The following NDRG2 variants were observed in gnomAD, a reference collection of about 807,000 sequenced individuals.
NDRG2 encodes the protein protein NDRG2.
A neutral mutation model predicts 58.2 loss-of-function variants in NDRG2; 34 were observed. The observed-to-expected ratio is 0.58, with a 90% CI of 0.44 to 0.78. The LOEUF is 0.78. NDRG2 is among the 30% of genes least tolerant of loss of function. The probability of loss-of-function intolerance (pLI) is 0.00; values close to 1 mark genes in which losing one functional copy is unlikely to be tolerated. For missense variants in NDRG2, 434 were observed against 471.2 expected (o/e 0.92, Z 0.73); for synonymous variants, 187 against 175.9 (o/e 1.06, Z -0.50).
intron 1 of NDRG2, among the ~76,000 whole-genome samples, chr14:21,047,391 T>A (rs937688068): frequency 6.6e-6 from 1 of 152,192 alleles, no homozygotes; most frequent in Non-Finnish European, 1.5e-5. Flanking sequence ...TTATTAGTGG[T>A]GCCCTACCTG....
At chr14:21,023,823 C>A (rs187788347) in intron 1 of NDRG2, 239 of 358,114 alleles carry the variant, frequency 6.7e-4, no homozygotes, top group Non-Finnish European at 8.5e-4. Flanking sequence ...CTAAAAATGA[C>A]CAAAGCAACA....
chr14:21,017,866 C>A, intron 15 of NDRG2, 104 bp from the exon 16 acceptor site: 1 of 1,601,454 alleles, frequency 6.2e-7, no homozygotes, highest in Non-Finnish European at 8.5e-7. Flanking sequence ...ATAACTAAGC[C>A]AGGGGATCAA....
intron 1 of NDRG2, chr14:21,034,094 AT>A (rs1566490556): frequency 1.2e-6 from 2 of 1,614,176 alleles, no homozygotes; most frequent in Admixed American, 1.7e-5. Context: ...GGCAATCTGA[AT>A]TTTGCATCTT....
chr14:21,019,397 C>A (rs1878806108), intron 10 of NDRG2, among the ~76,000 whole-genome samples: 2 of 152,182 alleles, frequency 1.3e-5, no homozygotes, highest in South Asian at 4.1e-4. Context: ...ACACAGGACA[C>A]AAGATCATCT....
At chr14:21,028,313 A>G (rs1883833638), upstream of NDRG2, 1 of 152,230 alleles carries the variant, frequency 6.6e-6, no homozygotes, top group Admixed American at 6.5e-5. Flanking sequence ...GTGCGCTGAC[A>G]CAATCCTAGT....
At position 21,021,931 on chromosome 14, in the gene NDRG2, C is replaced by A. The variant is rs77868865; in HGVS notation, c.345-52G>T. On this transcript the variant is annotated intron_variant, in intron 5 of 15. Transcript: ENST00000556147. ...GATACCAACCTGCCCTCACACCCCC[C>A]ACCTCAGGATGTCCTACTCATTCTC... The A allele has an allele frequency of 3.6e-3, 5,828 of 1,611,460 alleles. 182 individuals are homozygous for A. In the African/African-American group the frequency reaches 0.066, roughly 18 times the overall value.
chr14:21,027,817 C>T (rs1883798930), upstream of NDRG2, among the ~76,000 whole-genome samples: 1 of 152,178 alleles, frequency 6.6e-6, no homozygotes, highest in South Asian at 2.1e-4. Flanking sequence ...AGGAAAAGGG[C>T]TTTGTTCCTA....
At chr14:21,032,826 A>G (rs1172958995) in intron 1 of NDRG2, 4 of 411,432 alleles carry the variant, frequency 9.7e-6, no homozygotes, top group Non-Finnish European at 1.9e-5. Context: ...GATGTGTGTT[A>G]TTAACTTTTT....
At chr14:21,067,181 C>A (rs1194566236) in intron 1 of NDRG2, among the ~76,000 whole-genome samples, 3 of 152,172 alleles carry the variant, frequency 2.0e-5, no homozygotes, top group Non-Finnish European at 2.9e-5. Context: ...CTTCCACCTT[C>A]CCCCGTATTA....
chr14:21,051,464 G>A (rs893669940), intron 1 of NDRG2, among the ~76,000 whole-genome samples: 4 of 152,182 alleles, frequency 2.6e-5, no homozygotes, highest in Non-Finnish European at 4.4e-5. Flanking sequence ...GCCTATGAGG[G>A]GAACTGGCGT....
chr14:21,061,481 A>ATGACACAGCACCCATAAAAT (rs1450541525), intron 1 of NDRG2, among the ~76,000 whole-genome samples: 2 of 152,122 alleles, frequency 1.3e-5, no homozygotes. Context: ...TCTGAGGGTA[A>ATGACACAGCACCCATAAAAT]TGACACAGCA....
intron 1 of NDRG2, among the ~76,000 whole-genome samples, chr14:21,037,212 T>C (rs1315265601): frequency 6.6e-6 from 1 of 152,260 alleles, no homozygotes; most frequent in Non-Finnish European, 1.5e-5. Context: ...AATGATTTAA[T>C]GATGATGAGC....
chr14:21,048,788 G>A lies in NDRG2; in HGVS notation c.24+22040C>T, dbSNP rs75743547. 6.7e-3 allele frequency among the ~76,000 whole-genome samples: 1,023 copies of A among 152,284 alleles called. 6 individuals are homozygous for A. The highest frequency in any genetic ancestry group is 0.018 in the African/African-American group (752 of 41,558). On this transcript the variant is annotated intron_variant, in intron 1 of 14. Coordinates refer to the NDRG2 transcript ENST00000403829. ...GATGAATGGAGCAGGCCTGACTTCC[G>A]TGACAGAAGAACAAAGGATTTAAAC...
chr14:21,059,939 A>G (rs1885873163), intron 1 of NDRG2, among the ~76,000 whole-genome samples: 1 of 152,172 alleles, frequency 6.6e-6, no homozygotes, highest in Non-Finnish European at 1.5e-5. Flanking sequence ...CCTACATACC[A>G]ACATAAGGCA....
chr14:21,032,704 C>T (rs1264708383), intron 1 of NDRG2: 5 of 355,274 alleles, frequency 1.4e-5, no homozygotes, highest in Non-Finnish European at 2.7e-5. Context: ...GAAGAGCTTA[C>T]TGACTGCTAA....
rs138902025 is a variant in NDRG2 at position 21,022,423 on chromosome 14, C to A, written c.192G>T (p.Ala64=). The A allele has an allele frequency of 1.2e-3, 1,890 of 1,613,924 alleles. 24 individuals carry two copies. In the South Asian group the frequency reaches 0.013, roughly 11 times the overall value. The part of the protein sequence containing the change: ...VYGTPKPKRP[A]ILTYHDVGLN... Reference sequence around the variant, plus strand: ...GTCCCACATCGTGGTAGGTAAGGATCGCTGGGCGTTTGGGTTTGGGGGTGC... The same window carrying A: ...GTCCCACATCGTGGTAGGTAAGGATAGCTGGGCGTTTGGGTTTGGGGGTGC... Residue 64 remains alanine, a synonymous_variant, in exon 4 of 16, where the codon GCG becomes GCT. Coordinates refer to ENST00000556147, the MANE Select transcript of NDRG2 (RefSeq NM_001320329.2).
chr14:21,023,163 C>T lies in NDRG2; in HGVS notation c.75+78G>A, dbSNP rs1243450. 2.9e-5 allele frequency: 36 copies of T among 1,223,852 alleles called. No homozygotes were observed. The East Asian group carries it at 6.5e-4, about 22-fold the overall frequency. 75.8% of individuals were successfully genotyped at this position (1,223,852 alleles called of 1,614,324 possible). A position where few individuals can be genotyped will look rare whatever the true frequency, so the allele number is the denominator to read the frequency against. ...GGTGTGAGTTAGAATAAGATCAGTA[C>T]GCTTGGGAAGTTAGAAGGCAAGGGG... On this transcript the variant is annotated intron_variant, in intron 2 of 15. Transcript: ENST00000556147.
chr14:21,035,401 G>A (rs1884553324), intron 1 of NDRG2, among the ~76,000 whole-genome samples: 1 of 152,170 alleles, frequency 6.6e-6, no homozygotes, highest in Non-Finnish European at 1.5e-5. Flanking sequence ...GCCATGCTGG[G>A]GAAAGGGCCA....
At chr14:21,028,317 TC>T (rs1454818508), upstream of NDRG2, 3 of 152,104 alleles carry the variant, frequency 2.0e-5, no homozygotes, top group Non-Finnish European at 4.4e-5. Context: ...GCTGACACAA[TC>T]CTAGTTCACT....
Sources: allele counts gnomAD v4.1 joint callset (sites outside exome capture counted in the v4.1 genomes callset), GRCh38; gene constraint gnomAD v4.1.1; transcripts MANE v1.5; gene names NCBI Gene and HGNC (gene_info 2026-07-23, HGNC 2026-07-21).